Variants in PHACTR4 observed in about 807,000 individuals in gnomAD.
PHACTR4 encodes the protein phosphatase and actin regulator 4.
PHACTR4 carries 51 observed loss-of-function variants against 72.7 expected under a neutral mutation model. That is an observed-to-expected ratio of 0.70 (90% CI 0.56 to 0.89). The LOEUF is 0.89. Ranked by LOEUF, PHACTR4 falls within the 40% of genes least tolerant of loss-of-function variation. The pLI is 0.00. For missense variants in PHACTR4, 731 were observed against 861.8 expected, an observed-to-expected ratio of 0.85 and a Z score of 1.90; for synonymous variants, 255 against 302.5, an observed-to-expected ratio of 0.84 and a Z score of 1.63.
intron 1 of PHACTR4, among the ~76,000 whole-genome samples, chr1:28,400,976 A>T (rs1039849054): frequency 6.6e-6 from 1 of 152,150 alleles, no homozygotes; most frequent in Non-Finnish European, 1.5e-5. Flanking sequence ...GGCTGTCTTG[A>T]GTAATCACCT....
At chr1:28,426,081 C>T (rs540206623) in intron 2 of PHACTR4, among the ~76,000 whole-genome samples, 2 of 152,186 alleles carry the variant, frequency 1.3e-5, no homozygotes, top group African/African-American at 2.4e-5. Context: ...ATTAGCCAGG[C>T]GTAGTGGCAG....
chr1:28,474,473 A>G (rs1659789435), intron 7 of PHACTR4, among the ~76,000 whole-genome samples: 1 of 142,134 alleles, frequency 7.0e-6, no homozygotes, highest in African/African-American at 2.6e-5. Context: ...CAGTGAGCCA[A>G]GACTGTGCCA....
At chr1:28,375,167 C>T (rs1651549180) in intron 1 of PHACTR4, among the ~76,000 whole-genome samples, 3 of 152,074 alleles carry the variant, frequency 2.0e-5, no homozygotes, top group Admixed American at 2.0e-4. Flanking sequence ...GGGGTGGTGG[C>T]CCATGCCTGT....
chr1:28,481,933 T>C (rs894234486), intron 9 of PHACTR4, among the ~76,000 whole-genome samples: 1 of 152,166 alleles, frequency 6.6e-6, no homozygotes, highest in Non-Finnish European at 1.5e-5. Flanking sequence ...AGCCTCGCTC[T>C]GTCACCCAGG....
At chr1:28,483,748 G>C (rs542343586) in intron 9 of PHACTR4, among the ~76,000 whole-genome samples, 1 of 137,680 alleles carries the variant, frequency 7.3e-6, no homozygotes, top group Admixed American at 8.0e-5. Context: ...GCAGTGAGCT[G>C]ACATCGTGCC....
intron 1 of PHACTR4, among the ~76,000 whole-genome samples, chr1:28,383,774 A>T (rs535801803): frequency 1.8e-4 from 27 of 152,190 alleles, no homozygotes; most frequent in African/African-American, 5.8e-4. Flanking sequence ...GGTTTTCTGG[A>T]TACAGGGTCA....
intron 6 of PHACTR4, among the ~76,000 whole-genome samples, chr1:28,470,541 C>G (rs187149608): frequency 6.9e-6 from 1 of 145,910 alleles, no homozygotes. Flanking sequence ...ATACCCCCCC[C>G]AAAAATTAGC....
chr1:28,426,113 C>T (rs1321361409), intron 2 of PHACTR4, among the ~76,000 whole-genome samples: 4 of 151,828 alleles, frequency 2.6e-5, no homozygotes, highest in Admixed American at 6.6e-5. Context: ...CTCAGCTACT[C>T]GGGAGGCTGA....
chr1:28,441,963 G>C (rs1352631400), intron 2 of PHACTR4, among the ~76,000 whole-genome samples: 1 of 152,124 alleles, frequency 6.6e-6, no homozygotes, highest in Non-Finnish European at 1.5e-5. Context: ...CTGCACTCCA[G>C]CCTGGGTGTC....
intron 1 of PHACTR4, among the ~76,000 whole-genome samples, chr1:28,378,580 C>T (rs10578211): frequency 0.16 from 10,313 of 63,386 alleles, 847 homozygotes; most frequent in African/African-American, 0.36. Context: ...CCCCCCCCCC[C>T]TTTTTTTTTA....
chr1:28,482,149 C>G (rs28534428), intron 9 of PHACTR4, among the ~76,000 whole-genome samples: 58,598 of 151,834 alleles, frequency 0.39, 13,000 homozygotes, highest in African/African-American at 0.6. Flanking sequence ...TGCCCGCCTT[C>G]GACTCACAAA....
At chr1:28,469,972 T>A (rs1659460143) in intron 6 of PHACTR4, among the ~76,000 whole-genome samples, 1 of 151,336 alleles carries the variant, frequency 6.6e-6, no homozygotes. Context: ...CAGGAGAGAA[T>A]CACTTGAACC....
At position 28,493,019 on chromosome 1, in the gene PHACTR4, C is replaced by T. The variant is rs764352833; in HGVS notation, c.2021C>T (p.Ala674Val). 6 of 1,611,322 alleles carry T rather than the reference C, an allele frequency of 3.7e-6. No individual in the cohort carries two copies. The highest frequency in any genetic ancestry group is 5.1e-6 in the Non-Finnish European group (6 of 1,178,000). ...ATTTTTGTCTCTACTCCACAGGCTGCCATAAGAAAAGAATTAAATGAATTT... is the reference window on the plus strand; with the variant it reads ...ATTTTTGTCTCTACTCCACAGGCTGTCATAAGAAAAGAATTAAATGAATTT... ...WTKLTPADKA[A>V]IRKELNEFKS... Residue 674 changes from alanine to valine, a missense_variant, in exon 13 of 14, where the codon GCC becomes GTC. Physicochemically the swap from Ala to Val is moderately conservative, Grantham distance 64 (BLOSUM62 0). Around this residue, in one of 2 missense-constraint regions of PHACTR4, gnomAD observed 110 missense variants for 185.2 expected, o/e 0.59. Coordinates refer to ENST00000373839, the MANE Select transcript of PHACTR4 (RefSeq NM_001048183.3).
chr1:28,486,230 C>T (rs1346973838), intron 9 of PHACTR4, among the ~76,000 whole-genome samples: 2 of 152,002 alleles, frequency 1.3e-5, no homozygotes, highest in Non-Finnish European at 2.9e-5. Flanking sequence ...GTAGCACATG[C>T]CTGTAATCCC....
At chr1:28,476,010 G>C in intron 7 of PHACTR4, 97 bp from the exon 8 acceptor site, 4 of 1,202,654 alleles carry the variant, frequency 3.3e-6, no homozygotes. Context: ...TTACAGCCAT[G>C]AGCCACCACG....
intron 1 of PHACTR4, among the ~76,000 whole-genome samples, chr1:28,404,410 G>T (rs1654174926): frequency 6.7e-6 from 1 of 149,326 alleles, no homozygotes; most frequent in African/African-American, 2.5e-5. Context: ...AGCCTCCTGA[G>T]TACCTGGGAC....
intron 7 of PHACTR4, among the ~76,000 whole-genome samples, chr1:28,475,188 CA>C (rs754029517): frequency 1.1e-4 from 16 of 151,978 alleles, no homozygotes; most frequent in Non-Finnish European, 2.4e-4. Flanking sequence ...TGGGCTCAAG[CA>C]GTCTGCCTGC....
At position 28,473,766 on chromosome 1, in the gene PHACTR4, C is replaced by G. The variant is rs373329656; in HGVS notation, c.1036C>G (p.Pro346Ala). ...PMISPRSPSP[P>A]LPTHIPPEPP... ...GATCTCACCTCGCTCTCCGTCCCCC[C>G]CACTGCCTACTCATATACCTCCAGA... The change falls in exon 7 of 14, where the codon CCA becomes GCA. Residue 346 changes from proline (P) to alanine (A), a missense_variant. Physicochemically the swap from Pro to Ala is conservative, Grantham distance 27. Transcript: ENST00000373839. The G allele has an allele frequency of 2.2e-5, 36 of 1,613,966 alleles. No homozygotes were observed. Among genetic ancestry groups the G allele is most frequent in the Admixed American group, 1.2e-4 (7 of 59,972 alleles).
At chr1:28,432,638 A>T (rs1195178893) in intron 2 of PHACTR4, among the ~76,000 whole-genome samples, 1 of 151,042 alleles carries the variant, frequency 6.6e-6, no homozygotes, top group African/African-American at 2.4e-5. Context: ...CTCTGTCTGT[A>T]AAAAAAAATA....
Sources: allele counts gnomAD v4.1 joint callset (sites outside exome capture counted in the v4.1 genomes callset), GRCh38; gene constraint gnomAD v4.1.1; regional missense constraint gnomAD v4.1.1; transcripts MANE v1.5; gene names NCBI Gene and HGNC (gene_info 2026-07-23, HGNC 2026-07-21).